NIBAN1: variants seen among roughly 807,000 people sequenced by gnomAD.
NIBAN1 encodes the protein protein Niban 1.
Under a neutral mutation model 75.1 loss-of-function variants are expected in NIBAN1, and 81 were observed. That is an observed-to-expected ratio of 1.08 (90% CI 0.90 to 1.30). NIBAN1 has a LOEUF of 1.30. NIBAN1 is among the 50% of genes most tolerant of loss of function. The pLI is 0.00. For synonymous variants in NIBAN1, 436 were observed against 424.8 expected (o/e 1.03, Z -0.32); for missense variants, 1,133 against 1,128.1 (o/e 1.00, Z -0.06).
At chr1:184,815,635 G>A (rs1654505718) in intron 9 of NIBAN1, among the ~76,000 whole-genome samples, 1 of 152,054 alleles carries the variant, frequency 6.6e-6, no homozygotes, top group South Asian at 2.1e-4. Flanking sequence ...GCACTTATAG[G>A]GTATAATTTT....
At chr1:184,949,333 G>T (rs933701582) in intron 1 of NIBAN1, among the ~76,000 whole-genome samples, 6 of 152,206 alleles carry the variant, frequency 3.9e-5, no homozygotes, top group Admixed American at 1.3e-4. Flanking sequence ...ACTACAGCCT[G>T]GGCGACAGAG....
rs1248794536 is a variant in NIBAN1, at chr1:184,845,760, T to G, written c.602-13798A>C. On this transcript the variant is annotated intron_variant, in intron 5 of 13. Coordinates refer to ENST00000367511, the MANE Select transcript of NIBAN1 (RefSeq NM_052966.4). The stretch of plus-strand genomic sequence containing the variant: ...GCCAGACAGTGGGCGCAGGCCAGTG[T>G]GTGTGCGCACCGTGCGCGAGCCGAA... Among the ~76,000 whole-genome samples, 10 of 85,516 alleles carry G rather than the reference T, an allele frequency of 1.2e-4. 2 individuals are homozygous for G. Among genetic ancestry groups the G allele is most frequent in the Non-Finnish European group, 1.4e-4 (6 of 42,404 alleles). The allele number at this position is 85,516 out of a possible 152,430, so 56.1% of individuals were successfully genotyped here. A position where few individuals can be genotyped will look rare whatever the true frequency, so the allele number is the denominator to read the frequency against.
intron 5 of NIBAN1, among the ~76,000 whole-genome samples, chr1:184,880,327 C>G (rs1447326746): frequency 2.6e-5 from 4 of 152,250 alleles, no homozygotes; most frequent in Non-Finnish European, 5.9e-5. Flanking sequence ...ATGCTACCCT[C>G]TCATCCACTG....
chr1:184,912,097 A>G (rs1657256513), intron 1 of NIBAN1, among the ~76,000 whole-genome samples: 1 of 152,062 alleles, frequency 6.6e-6, no homozygotes, highest in Non-Finnish European at 1.5e-5. Context: ...GCTTAATTCT[A>G]CCTATCATTC....
At chr1:184,833,824 T>C (rs1655061533) in intron 5 of NIBAN1, among the ~76,000 whole-genome samples, 1 of 151,954 alleles carries the variant, frequency 6.6e-6, no homozygotes, top group Middle Eastern at 3.2e-3. Context: ...AAAGAGCATG[T>C]TTCAAGAATC....
intron 1 of NIBAN1, among the ~76,000 whole-genome samples, chr1:184,938,759 C>A (rs1185152637): frequency 6.6e-6 from 1 of 151,974 alleles, no homozygotes; most frequent in Non-Finnish European, 1.5e-5. Flanking sequence ...GGCATAAATG[C>A]CAAATATAAA....
intron 1 of NIBAN1, among the ~76,000 whole-genome samples, chr1:184,939,855 T>C (rs1658046220): frequency 6.6e-6 from 1 of 152,150 alleles, no homozygotes; most frequent in African/African-American, 2.4e-5. Flanking sequence ...CCACACTAGA[T>C]TGCACACCTC....
In NIBAN1 at chr1:184,881,454, A is replaced by G. The variant is rs373186062; in HGVS notation, c.601+3179T>C. Among the ~76,000 whole-genome samples, 7 of 152,298 alleles carry G rather than the reference A, an allele frequency of 4.6e-5. No homozygotes were observed. In the East Asian group the frequency reaches 1.2e-3, roughly 25 times the overall value. On this transcript the variant is annotated intron_variant, in intron 5 of 13. Coordinates refer to ENST00000367511, the MANE Select transcript of NIBAN1 (RefSeq NM_052966.4). ...CTAGGAGACATGTCCTGGAACCCCA[A>G]GCGAGATCAACATGCCTAGCATCAG...
At chr1:184,816,778 T>G (rs1223381242) in intron 9 of NIBAN1, among the ~76,000 whole-genome samples, 1 of 151,844 alleles carries the variant, frequency 6.6e-6, no homozygotes, top group Non-Finnish European at 1.5e-5. Context: ...ACCATATAAG[T>G]ACATTTACAA....
chr1:184,909,738 C>G (rs1657192228), intron 1 of NIBAN1, among the ~76,000 whole-genome samples: 1 of 152,202 alleles, frequency 6.6e-6, no homozygotes, highest in African/African-American at 2.4e-5. Context: ...TGGTCAAGCA[C>G]TATGTCTCTG....
At chr1:184,894,909 G>A (rs1656760871) in intron 2 of NIBAN1, among the ~76,000 whole-genome samples, 1 of 152,086 alleles carries the variant, frequency 6.6e-6, no homozygotes, top group Non-Finnish European at 1.5e-5. Context: ...AACTGTGTAA[G>A]GATAATTCCC....
chr1:184,812,874 C>A (rs1195631009), intron 9 of NIBAN1, among the ~76,000 whole-genome samples: 1 of 152,192 alleles, frequency 6.6e-6, no homozygotes, highest in Non-Finnish European at 1.5e-5. Context: ...TGTCTAGTCT[C>A]TTCTCCTCCA....
chr1:184,904,061 T>A (rs984098324), intron 1 of NIBAN1, among the ~76,000 whole-genome samples: 2 of 152,084 alleles, frequency 1.3e-5, no homozygotes, highest in Non-Finnish European at 2.9e-5. Context: ...CACACCTGGC[T>A]AATTTTGTAT....
chr1:184,840,774 C>T (rs1399445456), intron 5 of NIBAN1, among the ~76,000 whole-genome samples: 1 of 150,940 alleles, frequency 6.6e-6, no homozygotes, highest in East Asian at 1.9e-4. Flanking sequence ...TAACATCTTG[C>T]ATGATTTTGA....
chr1:184,919,269 A>G (rs1201509350), intron 1 of NIBAN1, among the ~76,000 whole-genome samples: 1 of 152,238 alleles, frequency 6.6e-6, no homozygotes, highest in African/African-American at 2.4e-5. Context: ...AGGTGAATCA[A>G]GGTGACCTGC....
chr1:184,946,544 G>A (rs1658230010), intron 1 of NIBAN1, among the ~76,000 whole-genome samples: 1 of 152,128 alleles, frequency 6.6e-6, no homozygotes, highest in African/African-American at 2.4e-5. Flanking sequence ...GTAATACCAG[G>A]AAAGATTATG....
intron 1 of NIBAN1, among the ~76,000 whole-genome samples, chr1:184,920,150 A>C (rs1431060298): frequency 1.3e-5 from 2 of 152,182 alleles, no homozygotes; most frequent in Non-Finnish European, 2.9e-5. Flanking sequence ...ATGGAAAATC[A>C]AGGCTCTCAT....
chr1:184,808,199 C>A lies in NIBAN1; in HGVS notation c.1210G>T (p.Val404Leu), dbSNP rs372717314. 1.9e-6 allele frequency: 3 copies of A among 1,614,062 alleles called. No individual in the cohort carries two copies. Among genetic ancestry groups the A allele is most frequent in the Non-Finnish European group, 8.5e-7 (1 of 1,179,962 alleles). Residue 404 changes from valine (V) to leucine (L), a missense_variant, in exon 10 of 14, where the codon GTG becomes TTG. Val to Leu is a conservative substitution (Grantham distance 32). Transcript: ENST00000367511. ...TTAGTATAACAAGGTTCCATCTTCA[C>A]GGAATGCAGCGGAAGATTCATAAGC... Reference protein sequence around the residue: ...DRLMNLPLHSVKMEPCYTKVN... With the variant: ...DRLMNLPLHSLKMEPCYTKVN...
intron 1 of NIBAN1, among the ~76,000 whole-genome samples, chr1:184,911,580 C>G (rs1391716364): frequency 2.0e-5 from 3 of 152,118 alleles, no homozygotes; most frequent in Non-Finnish European, 4.4e-5. Context: ...ATAAGGCTCC[C>G]TGGGAAAATG....
Sources: allele counts gnomAD v4.1 joint callset (sites outside exome capture counted in the v4.1 genomes callset), GRCh38; gene constraint gnomAD v4.1.1; transcripts MANE v1.5; gene names NCBI Gene and HGNC (gene_info 2026-07-23, HGNC 2026-07-21).